Variants in CDIN1 observed in about 807,000 individuals in gnomAD.
CDIN1 encodes CDAN1-interacting nuclease 1.
In CDIN1, 33 loss-of-function variants were observed where a neutral mutation model predicts 45.3. The observed-to-expected ratio is 0.73, with a 90% CI of 0.55 to 0.97. The LOEUF is 0.97. CDIN1 is among the 50% of genes least tolerant of loss of function. The pLI is 0.00. For missense variants in CDIN1, 303 were observed against 339.4 expected (o/e 0.89, Z 0.84); for synonymous variants, 118 against 124.4 (o/e 0.95, Z 0.34).
intron 1 of CDIN1, among the ~76,000 whole-genome samples, chr15:36,632,043 T>G (rs1311080065): frequency 6.6e-6 from 1 of 152,038 alleles, no homozygotes; most frequent in East Asian, 1.9e-4. Flanking sequence ...CTAGGTTGCC[T>G]AGACTGGTCT....
At chr15:36,602,677 T>C (rs938945584) in intron 1 of CDIN1, among the ~76,000 whole-genome samples, 13 of 152,168 alleles carry the variant, frequency 8.5e-5, no homozygotes, top group African/African-American at 1.4e-4. Flanking sequence ...AAAGTGATTC[T>C]TAAAGATAAG....
chr15:36,709,173 C>A, intron 8 of CDIN1, 50 bp from the exon 9 acceptor site: 1 of 1,457,126 alleles, frequency 6.9e-7, no homozygotes, highest in Non-Finnish European at 9.3e-7. Flanking sequence ...ATATTCCTAT[C>A]TTGTTAATTG....
intron 5 of CDIN1, among the ~76,000 whole-genome samples, chr15:36,674,935 A>T (rs1397000990): frequency 6.6e-6 from 1 of 152,100 alleles, no homozygotes; most frequent in Non-Finnish European, 1.5e-5. Context: ...AAAATGAGCA[A>T]AGAAATAAAG....
chr15:36,657,665 G>T (rs2040831978), intron 4 of CDIN1, among the ~76,000 whole-genome samples, 168 bp from the exon 5 acceptor site: 1 of 151,846 alleles, frequency 6.6e-6, no homozygotes, highest in Non-Finnish European at 1.5e-5. Flanking sequence ...AACCATACTT[G>T]TTATAATTTT....
chr15:36,739,988 A>G (rs546761849), intron 10 of CDIN1, among the ~76,000 whole-genome samples: 4 of 152,344 alleles, frequency 2.6e-5, no homozygotes, highest in South Asian at 2.1e-4. Flanking sequence ...CAAAAACAAC[A>G]AATTTATTTT....
chr15:36,749,625 G>A (rs1336766425), intron 10 of CDIN1, among the ~76,000 whole-genome samples: 1 of 152,202 alleles, frequency 6.6e-6, no homozygotes, highest in Non-Finnish European at 1.5e-5. Context: ...TTAGGAATGG[G>A]ATGCTATTGC....
intron 10 of CDIN1, among the ~76,000 whole-genome samples, chr15:36,802,219 A>T (rs1246151462): frequency 6.6e-6 from 1 of 152,196 alleles, no homozygotes; most frequent in African/African-American, 2.4e-5. Context: ...TGCCCTCCTC[A>T]TAGGGTGGCA....
intron 5 of CDIN1, chr15:36,691,081 T>A: frequency 2.0e-6 from 1 of 498,322 alleles, no homozygotes; most frequent in Non-Finnish European, 3.9e-6. Context: ...TATATTTTCC[T>A]TATTTAAGAT....
intron 10 of CDIN1, among the ~76,000 whole-genome samples, chr15:36,793,295 T>C (rs1033883526): frequency 2.0e-5 from 3 of 152,152 alleles, no homozygotes; most frequent in African/African-American, 7.2e-5. Flanking sequence ...CATGGCCTCC[T>C]TTTCAGGGAA....
chr15:36,626,647 A>G (rs377528614), intron 1 of CDIN1: 3 of 350,116 alleles, frequency 8.6e-6, no homozygotes, highest in African/African-American at 6.5e-5. Context: ...CTTTTGGGCA[A>G]CAAAGCCATT....
At chr15:36,778,491 C>T (rs1342852777) in intron 10 of CDIN1, among the ~76,000 whole-genome samples, 6 of 152,192 alleles carry the variant, frequency 3.9e-5, no homozygotes, top group Non-Finnish European at 7.3e-5. Context: ...AATTGTTTTA[C>T]ATCTCTCCTT....
rs2038757273 is a variant in CDIN1, at chr15:36,613,705, A to T, written c.102-30573A>T. ...TGGCTACTGCCCTGCAAAAGCTAGA[A>T]GAAGCGGAAAAAGCTGCTGATGAGA... On this transcript the variant is annotated intron_variant, in intron 1 of 10. Coordinates refer to ENST00000566621, the MANE Select transcript of CDIN1 (RefSeq NM_001321759.2). 11 of 1,521,856 alleles carry T rather than the reference A, an allele frequency of 7.2e-6. No individual in the cohort carries two copies. In the South Asian group the frequency reaches 1.0e-4, roughly 14 times the overall value. The allele number at this position is 1,521,856 out of a possible 1,614,324, so 94.3% of individuals were successfully genotyped here.
chr15:36,778,618 G>A (rs2054276902), intron 10 of CDIN1, among the ~76,000 whole-genome samples: 1 of 152,146 alleles, frequency 6.6e-6, no homozygotes, highest in Non-Finnish European at 1.5e-5. Flanking sequence ...TTGGCATATA[G>A]TGCACATCTC....
intron 1 of CDIN1, among the ~76,000 whole-genome samples, chr15:36,632,604 C>G (rs1373197400): frequency 1.3e-5 from 2 of 152,210 alleles, no homozygotes; most frequent in South Asian, 2.1e-4. Flanking sequence ...TTCTCTGCAT[C>G]TCACACTTTG....
At chr15:36,718,931 A>T (rs527499457) in intron 10 of CDIN1, among the ~76,000 whole-genome samples, 86 of 150,624 alleles carry the variant, frequency 5.7e-4, no homozygotes, top group African/African-American at 1.9e-3. Context: ...ACCATTAAGA[A>T]TGATGTTAGG....
chr15:36,807,467 T>G (rs562108655), intron 10 of CDIN1, among the ~76,000 whole-genome samples: 2 of 152,330 alleles, frequency 1.3e-5, no homozygotes, highest in South Asian at 4.1e-4. Flanking sequence ...AACATCTCTC[T>G]GTGTGCAGTG....
chr15:36,738,133 T>C (rs1212781598), intron 10 of CDIN1, among the ~76,000 whole-genome samples: 1 of 152,136 alleles, frequency 6.6e-6, no homozygotes, highest in Non-Finnish European at 1.5e-5. Flanking sequence ...TTCTCTATTT[T>C]TTTGGCTTGG....
At chr15:36,595,335 A>C in intron 1 of CDIN1, among the ~76,000 whole-genome samples, 1 of 147,938 alleles carries the variant, frequency 6.8e-6, no homozygotes, top group Non-Finnish European at 1.5e-5. Context: ...ATATAATATA[A>C]TATAAAATAA....
At chr15:36,651,862 T>A (rs2140441059) in intron 3 of CDIN1, among the ~76,000 whole-genome samples, 1 of 152,370 alleles carries the variant, frequency 6.6e-6, no homozygotes, top group Non-Finnish European at 1.5e-5. Context: ...ACTATATAGA[T>A]ACAGAGGATT....
Sources: allele counts gnomAD v4.1 joint callset (sites outside exome capture counted in the v4.1 genomes callset), GRCh38; gene constraint gnomAD v4.1.1; transcripts MANE v1.5; gene names NCBI Gene and HGNC (gene_info 2026-07-23, HGNC 2026-07-21).